SORCS3: variants seen among roughly 807,000 people sequenced by gnomAD.
SORCS3 encodes the protein sortilin related VPS10 domain containing receptor 3.
A neutral mutation model predicts 146.3 loss-of-function variants in SORCS3; 57 were observed. The ratio of observed to expected loss-of-function variants is 0.39; its 90% CI spans 0.31 to 0.49. The LOEUF (loss-of-function observed/expected upper bound fraction) is 0.49, where lower values mean the gene tolerates loss of function less well. Among genes scored for constraint, SORCS3 ranks in the 20% least tolerant of loss-of-function variants. The probability of loss-of-function intolerance (pLI) is 0.92; values close to 1 mark genes in which losing one functional copy is unlikely to be tolerated. For missense variants in SORCS3, 1,341 were observed against 1,575.5 expected, an observed-to-expected ratio of 0.85 and a Z score of 2.52; for synonymous variants, 653 against 618.5, an observed-to-expected ratio of 1.06 and a Z score of -0.83.
chr10:104,769,611 G>A (rs1429767608), intron 1 of SORCS3, among the ~76,000 whole-genome samples: 3 of 152,160 alleles, frequency 2.0e-5, no homozygotes, highest in Non-Finnish European at 4.4e-5. Flanking sequence ...GAATTTTCAA[G>A]ACTTGTTAGA....
intron 1 of SORCS3, among the ~76,000 whole-genome samples, chr10:104,753,262 C>T (rs1020915413): frequency 6.6e-6 from 1 of 152,116 alleles, no homozygotes; most frequent in African/African-American, 2.4e-5. Flanking sequence ...GTAAGGAATC[C>T]ATTTGATGGG....
intron 5 of SORCS3, among the ~76,000 whole-genome samples, chr10:105,054,867 A>G (rs1418259768): frequency 2.0e-5 from 3 of 152,198 alleles, no homozygotes; most frequent in Admixed American, 6.6e-5. Flanking sequence ...AAACCAAAAT[A>G]GAACTCTTCT....
chr10:105,017,043 A>G (rs988320869), intron 4 of SORCS3, among the ~76,000 whole-genome samples: 1 of 152,224 alleles, frequency 6.6e-6, no homozygotes, highest in Admixed American at 6.5e-5. Flanking sequence ...AAACTCCATT[A>G]CATCTCACTT....
intron 5 of SORCS3, among the ~76,000 whole-genome samples, chr10:105,085,419 C>A (rs2055653870): frequency 6.6e-6 from 1 of 152,178 alleles, no homozygotes; most frequent in South Asian, 2.1e-4. Context: ...ATTTCCTCCC[C>A]TGTGGACCTA....
chr10:105,137,312 T>C (rs903792347), intron 7 of SORCS3, among the ~76,000 whole-genome samples: 2 of 152,086 alleles, frequency 1.3e-5, no homozygotes, highest in African/African-American at 4.8e-5. Context: ...ATATGATAGG[T>C]GACCAGATGA....
chr10:105,084,847 T>C (rs1033885054), intron 5 of SORCS3, among the ~76,000 whole-genome samples: 1 of 151,838 alleles, frequency 6.6e-6, no homozygotes, highest in Admixed American at 6.6e-5. Context: ...TCTCCTGCCT[T>C]AGCCTCCCGA....
Position 104,773,593 on chromosome 10 carries a change from C to T in SORCS3, c.628-69199C>T, listed in dbSNP as rs142515908. 2.9e-3 allele frequency among the ~76,000 whole-genome samples: 436 copies of T among 152,344 alleles called. 1 individual carries two copies. Among genetic ancestry groups the T allele is most frequent in the Non-Finnish European group, 4.3e-3 (295 of 68,032 alleles). On this transcript the variant is annotated intron_variant, in intron 1 of 26. Coordinates refer to ENST00000369701, the MANE Select transcript of SORCS3 (RefSeq NM_014978.3). Reference sequence around the variant, plus strand: ...AGGGCTAAGCATACAGAGCAGAAGGCAGCAGGGTGGAGGAGGAGGAACTCA... The same window carrying T: ...AGGGCTAAGCATACAGAGCAGAAGGTAGCAGGGTGGAGGAGGAGGAACTCA...
intron 3 of SORCS3, among the ~76,000 whole-genome samples, chr10:104,934,458 T>C (rs2019239840): frequency 2.0e-5 from 3 of 152,232 alleles, no homozygotes. Flanking sequence ...TGTTTTTGTG[T>C]CCCTGAGTGT....
chr10:104,799,175 C>A (rs536684341), intron 1 of SORCS3, among the ~76,000 whole-genome samples: 20 of 152,192 alleles, frequency 1.3e-4, no homozygotes, highest in African/African-American at 4.3e-4. Flanking sequence ...ACCATTTGAC[C>A]CAGCAATCCC....
At chr10:104,926,505 T>G (rs2019148394) in intron 3 of SORCS3, among the ~76,000 whole-genome samples, 2 of 152,168 alleles carry the variant, frequency 1.3e-5, no homozygotes, top group South Asian at 4.1e-4. Context: ...TTCTTCTTGG[T>G]GTATCCAGAA....
At chr10:104,797,885 A>T (rs1359360894) in intron 1 of SORCS3, among the ~76,000 whole-genome samples, 1 of 152,202 alleles carries the variant, frequency 6.6e-6, no homozygotes, top group Non-Finnish European at 1.5e-5. Context: ...CAAAATAAAG[A>T]AAAACACATA....
chr10:104,874,246 G>A (rs936922303), intron 2 of SORCS3, among the ~76,000 whole-genome samples: 2 of 151,766 alleles, frequency 1.3e-5, no homozygotes, highest in Non-Finnish European at 2.9e-5. Context: ...AGAGTTTCTA[G>A]TTTGGTTTTA....
intron 5 of SORCS3, among the ~76,000 whole-genome samples, chr10:105,062,409 T>C (rs952519382): frequency 1.3e-5 from 2 of 152,190 alleles, no homozygotes; most frequent in African/African-American, 4.8e-5. Context: ...TGTGGTGTTA[T>C]ACGAATCAGA....
intron 16 of SORCS3, among the ~76,000 whole-genome samples, chr10:105,204,059 T>G (rs1000020523): frequency 8.5e-5 from 13 of 152,124 alleles, no homozygotes; most frequent in African/African-American, 3.1e-4. Context: ...AATCCATCTA[T>G]AAGTAAAGCA....
intron 6 of SORCS3, among the ~76,000 whole-genome samples, chr10:105,091,659 T>G (rs1468324246): frequency 6.6e-6 from 1 of 152,112 alleles, no homozygotes; most frequent in Non-Finnish European, 1.5e-5. Context: ...TTTAATGTAT[T>G]TTTTAACTGA....
rs966121425 is a variant in SORCS3, at chr10:105,128,951, A to T, written c.1213-10446A>T. 2.6e-5 allele frequency among the ~76,000 whole-genome samples: 4 copies of T among 152,154 alleles called. No homozygotes were observed. The South Asian group carries it at 8.3e-4, about 32-fold the overall frequency. ...CTTTTTTATCTGAAAATAACCCCCA[A>T]ACTGCAAGAGATGGGTTACAATGCC... On this transcript the variant is annotated intron_variant, in intron 7 of 26. Transcript: ENST00000369701.
intron 7 of SORCS3, among the ~76,000 whole-genome samples, chr10:105,128,333 C>T (rs1003186025): frequency 1.3e-5 from 2 of 152,150 alleles, no homozygotes; most frequent in East Asian, 1.9e-4. Context: ...GGCTTAAATC[C>T]GTCTACTGTT....
intron 3 of SORCS3, among the ~76,000 whole-genome samples, chr10:104,932,939 C>T (rs1298919004): frequency 6.6e-6 from 1 of 151,948 alleles, no homozygotes; most frequent in Non-Finnish European, 1.5e-5. Flanking sequence ...CTTTGTTCCC[C>T]AGGCTGGTCT....
At chr10:104,872,566 A>ATG (rs1554856066) in intron 2 of SORCS3, among the ~76,000 whole-genome samples, 1 of 142,946 alleles carries the variant, frequency 7.0e-6, no homozygotes, top group African/African-American at 2.6e-5. Flanking sequence ...CCTCATTTTG[A>ATG]TTTTTTTTTT....
Sources: gnomAD v4.1 joint callset for allele counts (sites outside exome capture counted in the v4.1 genomes callset) on GRCh38, gnomAD v4.1.1 for gene constraint, MANE v1.5 for transcripts, NCBI Gene and HGNC (gene_info 2026-07-23, HGNC 2026-07-21) for gene names.